PIK3CB: variants seen among roughly 807,000 people sequenced by gnomAD.
PIK3CB encodes phosphatidylinositol 4,5-bisphosphate 3-kinase catalytic subunit beta isoform.
Under a neutral mutation model 136.8 loss-of-function variants are expected in PIK3CB, and 39 were observed. The observed-to-expected ratio is 0.29, with a 90% CI of 0.22 to 0.37. The LOEUF (loss-of-function observed/expected upper bound fraction) is 0.37. Ranked by LOEUF, PIK3CB falls within the 10% of genes least tolerant of loss-of-function variation. The pLI is 1.00. For missense variants in PIK3CB, 868 were observed against 1,275.4 expected, an observed-to-expected ratio of 0.68 and a Z score of 4.87; for synonymous variants, 428 against 436.6, an observed-to-expected ratio of 0.98 and a Z score of 0.25.
In PIK3CB at chr3:138,730,822, C is replaced by A. The variant is rs559463413; in HGVS notation, c.1050+2539G>T. Among the ~76,000 whole-genome samples the A allele has an allele frequency of 2.8e-3, 420 of 152,124 alleles. 4 individuals are homozygous for A. The highest frequency in any genetic ancestry group is 8.4e-3 in the African/African-American group (347 of 41,500). On this transcript the variant is annotated intron_variant, in intron 8 of 23. Coordinates refer to ENST00000674063, the MANE Select transcript of PIK3CB (RefSeq NM_006219.3). ...TGGTGTATACCTGTAGTCCTAGCTA[C>A]TTGGGAGGCTGAGGTAGGAGGATCG...
At chr3:138,787,153 G>A (rs1484097926) in intron 2 of PIK3CB, among the ~76,000 whole-genome samples, 2 of 152,128 alleles carry the variant, frequency 1.3e-5, no homozygotes, top group Non-Finnish European at 2.9e-5. Context: ...GGAAAAACTG[G>A]AAGGCAAGTT....
chr3:138,808,756 A>C (rs1326713819), intron 1 of PIK3CB, among the ~76,000 whole-genome samples: 1 of 151,068 alleles, frequency 6.6e-6, no homozygotes, highest in Non-Finnish European at 1.5e-5. Context: ...CTCTCTATAT[A>C]TATATACACA....
intron 2 of PIK3CB, among the ~76,000 whole-genome samples, chr3:138,793,584 C>T (rs1438188642): frequency 2.0e-5 from 3 of 147,760 alleles, no homozygotes; most frequent in African/African-American, 5.0e-5. Context: ...CCAGCCTGGG[C>T]GTTGCAGCGA....
At chr3:138,729,431 G>C (rs1218181020) in intron 8 of PIK3CB, among the ~76,000 whole-genome samples, 1 of 152,224 alleles carries the variant, frequency 6.6e-6, no homozygotes, top group Non-Finnish European at 1.5e-5. Context: ...TTTTGGATGT[G>C]ATTAACATTG....
Position 138,832,530 on chromosome 3 carries a change from A to G in PIK3CB, c.-122+2165T>C, listed in dbSNP as rs1399010227. ...AACATGGCAAAACCACCTCTCTACC[A>G]AAAATACAAAGATTGGGCCGGGCGC... On this transcript the variant is annotated intron_variant, in intron 1 of 23. Transcript: ENST00000674063. 2.0e-5 allele frequency among the ~76,000 whole-genome samples: 3 copies of G among 151,828 alleles called. No homozygotes were observed. In the East Asian group the frequency reaches 5.8e-4, roughly 29 times the overall value.
intron 21 of PIK3CB, among the ~76,000 whole-genome samples, chr3:138,660,619 C>A (rs2043279557): frequency 6.6e-6 from 1 of 152,138 alleles, no homozygotes. Flanking sequence ...ATAAGTTCAA[C>A]AGATCTGTCT....
At chr3:138,705,490 A>T (rs1031457448) in intron 11 of PIK3CB, among the ~76,000 whole-genome samples, 1 of 152,178 alleles carries the variant, frequency 6.6e-6, no homozygotes, top group Non-Finnish European at 1.5e-5. Context: ...TTTATATTAT[A>T]AGCACAAAAT....
intron 19 of PIK3CB, among the ~76,000 whole-genome samples, chr3:138,670,904 C>T (rs2043519288): frequency 6.6e-6 from 1 of 152,046 alleles, no homozygotes; most frequent in Non-Finnish European, 1.5e-5. Flanking sequence ...TCTACCTTTA[C>T]ACTACTGGAA....
intron 19 of PIK3CB, among the ~76,000 whole-genome samples, chr3:138,669,426 A>AG (rs371173322): frequency 0.011 from 706 of 63,594 alleles, 3 homozygotes; most frequent in African/African-American, 0.015. Context: ...AAAAAAAAAA[A>AG]GGGGGGGGGG....
At chr3:138,700,649 T>C (rs912164908) in intron 12 of PIK3CB, among the ~76,000 whole-genome samples, 3 of 151,310 alleles carry the variant, frequency 2.0e-5, no homozygotes, top group African/African-American at 2.4e-5. Flanking sequence ...GACTGTACCA[T>C]TGCACTCCAG....
intron 7 of PIK3CB, among the ~76,000 whole-genome samples, chr3:138,733,979 A>C (rs1252986392): frequency 6.6e-6 from 1 of 152,214 alleles, no homozygotes. Context: ...GATTTCACTA[A>C]ATTAAAAAGC....
At chr3:138,665,997 G>A (rs1019335618) in intron 19 of PIK3CB, among the ~76,000 whole-genome samples, 3 of 152,142 alleles carry the variant, frequency 2.0e-5, no homozygotes, top group Admixed American at 1.3e-4. Context: ...AGGTGACTGG[G>A]TATTTACAAA....
intron 2 of PIK3CB, among the ~76,000 whole-genome samples, chr3:138,788,964 CAAAAAAAAAAAA>C (rs57432821): frequency 0.013 from 1,182 of 89,512 alleles, 18 homozygotes; most frequent in African/African-American, 0.051. Context: ...GACTTCGTCT[CAAAAAAAAAAAA>C]AAAAAAAAAA....
intron 7 of PIK3CB, 83 bp downstream of exon 7, chr3:138,734,551 A>G: frequency 3.0e-6 from 3 of 1,006,188 alleles, no homozygotes; most frequent in Non-Finnish European, 4.3e-6. Flanking sequence ...AGAAGTGAGC[A>G]AAGGAAATAT....
chr3:138,737,668 C>T, intron 6 of PIK3CB, 39 bp downstream of exon 6: 25 of 931,050 alleles, frequency 2.7e-5, no homozygotes, highest in Non-Finnish European at 3.8e-5. Flanking sequence ...TATATATACT[C>T]ATAGACTTTT....
chr3:138,707,451 C>T, intron 10 of PIK3CB, 162 bp from the exon 11 acceptor site: 1 of 1,357,518 alleles, frequency 7.4e-7, no homozygotes, highest in Non-Finnish European at 9.4e-7. Flanking sequence ...TCTGTTAATG[C>T]TTGGAACAAA....
At chr3:138,796,778 T>C (rs2046113606) in intron 1 of PIK3CB, 1 of 152,154 alleles carries the variant, frequency 6.6e-6, no homozygotes, top group Non-Finnish European at 1.5e-5. Flanking sequence ...AGGCTTTATA[T>C]ATTCAGGACC....
At position 138,681,947 on chromosome 3, in the gene PIK3CB, A is replaced by G. The variant is rs1318614615; in HGVS notation, c.2504+20T>C. On this transcript the variant is annotated intron_variant, in intron 19 of 23. Coordinates refer to ENST00000674063, the MANE Select transcript of PIK3CB (RefSeq NM_006219.3). ...ATGGGAAGACATTAGACTGAAAAAA[A>G]AAAAAAGACTAGATCTCACCGAAGA... The G allele has an allele frequency of 1.9e-6, 3 of 1,545,564 alleles. No individual in the cohort carries two copies. The highest frequency in any genetic ancestry group is 2.6e-6 in the Non-Finnish European group (3 of 1,138,276).
Position 138,707,281 on chromosome 3 carries a change from C to T in PIK3CB, c.1408G>A (p.Glu470Lys), listed in dbSNP as rs1217537873. 5 of 1,594,712 alleles carry T rather than the reference C, an allele frequency of 3.1e-6. No individual in the cohort carries two copies. The highest frequency in any genetic ancestry group is 4.3e-6 in the Non-Finnish European group (5 of 1,173,054). Residue 470 changes from glutamate (E) to lysine (K), a missense_variant, in exon 11 of 24, where the codon GAA (glutamate) becomes AAA (lysine). By Grantham distance (56) the Glu-to-Lys change is moderately conservative (BLOSUM62 1). This residue lies in a region of PIK3CB where 612 missense variants were observed against 801.1 expected (regional missense o/e 0.76). Transcript: ENST00000674063. ...GTTCCCATTGGATTCAACATTTCTT[C>T]GAGTTCATCTAAAACATGCAAATAA... Reference protein sequence around the residue: ...HSWSSFPDELEEMLNPMGTVQ... With the variant: ...HSWSSFPDELKEMLNPMGTVQ...
Sources: gnomAD v4.1 joint callset for allele counts (sites outside exome capture counted in the v4.1 genomes callset) on GRCh38, gnomAD v4.1.1 for gene constraint, gnomAD v4.1.1 regional missense constraint, MANE v1.5 for transcripts, NCBI Gene and HGNC (gene_info 2026-07-23, HGNC 2026-07-21) for gene names.